ITGA1: variants seen among roughly 807,000 people sequenced by gnomAD.
ITGA1 encodes the protein integrin alpha-1.
In ITGA1, 85 loss-of-function variants were observed where a neutral mutation model predicts 145.9. The observed-to-expected ratio is 0.58, with a 90% CI of 0.49 to 0.70. The LOEUF is 0.70. ITGA1 is among the 30% of genes least tolerant of loss of function. The pLI is 0.00. For missense variants in ITGA1, 1,351 were observed against 1,418.7 expected (o/e 0.95, Z 0.77); for synonymous variants, 520 against 495.3 (o/e 1.05, Z -0.66).
intron 8 of ITGA1, among the ~76,000 whole-genome samples, chr5:52,891,525 G>A (rs1467048778): frequency 6.5e-5 from 9 of 137,554 alleles, no homozygotes; most frequent in Non-Finnish European, 3.1e-5. Flanking sequence ...TGTCCAGTTT[G>A]AGTTATTGTT....
chr5:52,934,856 A>AT (rs1561253953), intron 23 of ITGA1, among the ~76,000 whole-genome samples: 1 of 151,892 alleles, frequency 6.6e-6, no homozygotes, highest in African/African-American at 2.4e-5. Flanking sequence ...GATTAATTTC[A>AT]TTTTTTAAAA....
chr5:52,909,242 G>C (rs943971086), intron 13 of ITGA1, among the ~76,000 whole-genome samples: 1 of 151,992 alleles, frequency 6.6e-6, no homozygotes, highest in African/African-American at 2.4e-5. Flanking sequence ...GATATTTTCT[G>C]CTTGGAAATG....
intron 1 of ITGA1, among the ~76,000 whole-genome samples, chr5:52,837,447 G>C (rs1326198741): frequency 6.6e-6 from 1 of 152,146 alleles, no homozygotes; most frequent in Non-Finnish European, 1.5e-5. Flanking sequence ...GAAGTGGAAA[G>C]TTAGCATTTC....
rs574757171 is a variant in ITGA1, at chr5:52,795,600, A to C, written c.61+7186A>C. Among the ~76,000 whole-genome samples the C allele has an allele frequency of 7.0e-4, 106 of 152,036 alleles. 1 individual carries two copies. Among genetic ancestry groups the C allele is most frequent in the Middle Eastern group, 3.4e-3 (1 of 294 alleles). Reference sequence around the variant, plus strand: ...CTGAATAACATAAATAACATAAATAAATGTACCCCAAAGATTATCCATCAG... The same window carrying C: ...CTGAATAACATAAATAACATAAATACATGTACCCCAAAGATTATCCATCAG... On this transcript the variant is annotated intron_variant, in intron 1 of 28. Coordinates refer to ENST00000282588, the MANE Select transcript of ITGA1 (RefSeq NM_181501.2).
At chr5:52,815,531 G>A (rs1011687119) in intron 1 of ITGA1, among the ~76,000 whole-genome samples, 5 of 152,180 alleles carry the variant, frequency 3.3e-5, no homozygotes, top group Non-Finnish European at 7.3e-5. Flanking sequence ...GTAGATGTTG[G>A]GAGGAGCCTG....
intron 3 of ITGA1, among the ~76,000 whole-genome samples, chr5:52,864,332 CTGGTGTT>C: frequency 6.6e-6 from 1 of 152,292 alleles, no homozygotes; most frequent in South Asian, 2.1e-4. Context: ...GGTCAAAAAA[CTGGTGTT>C]TGAGTTTTCT....
chr5:52,884,609 G>T (rs1270220108), intron 7 of ITGA1, among the ~76,000 whole-genome samples: 1 of 152,196 alleles, frequency 6.6e-6, no homozygotes, highest in Non-Finnish European at 1.5e-5. Context: ...CTACAGTGAG[G>T]ACAAGTGGGC....
intron 1 of ITGA1, among the ~76,000 whole-genome samples, chr5:52,812,427 T>A (rs1748696422): frequency 6.6e-6 from 1 of 152,162 alleles, no homozygotes; most frequent in South Asian, 2.1e-4. Context: ...AAATCACACA[T>A]GTTACAGAAA....
At chr5:52,860,754 T>C (rs1749585398) in intron 2 of ITGA1, among the ~76,000 whole-genome samples, 1 of 152,176 alleles carries the variant, frequency 6.6e-6, no homozygotes, top group South Asian at 2.1e-4. Flanking sequence ...CCTGAAGATA[T>C]CATGGGAGAC....
At chr5:52,855,971 C>G (rs773762546) in intron 2 of ITGA1, among the ~76,000 whole-genome samples, 3 of 152,212 alleles carry the variant, frequency 2.0e-5, no homozygotes, top group Non-Finnish European at 4.4e-5. Flanking sequence ...CTACCACTTT[C>G]TAAGTTCTCA....
chr5:52,945,620 C>T (rs1481099757), intron 27 of ITGA1, among the ~76,000 whole-genome samples: 1 of 151,912 alleles, frequency 6.6e-6, no homozygotes, highest in African/African-American at 2.4e-5. Flanking sequence ...GAGTAAGACC[C>T]CATCTCTAAA....
chr5:52,789,467 A>T (rs1748196961), intron 1 of ITGA1, among the ~76,000 whole-genome samples: 1 of 152,200 alleles, frequency 6.6e-6, no homozygotes, highest in Non-Finnish European at 1.5e-5. Context: ...ATGGCCAAGC[A>T]TTGTTAAGTT....
At chr5:52,926,248 G>C (rs1452610019) in intron 19 of ITGA1, among the ~76,000 whole-genome samples, 1 of 152,098 alleles carries the variant, frequency 6.6e-6, no homozygotes, top group African/African-American at 2.4e-5. Flanking sequence ...TTAGAGACAT[G>C]ATGACTAAGA....
At chr5:52,831,820 T>C (rs535356272) in intron 1 of ITGA1, among the ~76,000 whole-genome samples, 1 of 152,266 alleles carries the variant, frequency 6.6e-6, no homozygotes, top group South Asian at 2.1e-4. Flanking sequence ...AATATAGTCA[T>C]GTCTATACAT....
At chr5:52,805,186 T>A (rs1019224510) in intron 1 of ITGA1, among the ~76,000 whole-genome samples, 35 of 151,960 alleles carry the variant, frequency 2.3e-4, no homozygotes, top group Non-Finnish European at 2.8e-4. Context: ...AGTGGGAAGA[T>A]GGGGAGGGGA....
chr5:52,822,546 T>C (rs555749190), intron 1 of ITGA1, among the ~76,000 whole-genome samples: 6 of 152,304 alleles, frequency 3.9e-5, no homozygotes, highest in Non-Finnish European at 5.9e-5. Flanking sequence ...CTGCTCTGCA[T>C]AGGGGATATG....
chr5:52,933,939 C>G lies in ITGA1; in HGVS notation c.2907C>G (p.Val969=), dbSNP rs113833498. The G allele has an allele frequency of 2.0e-5, 31 of 1,531,738 alleles. 1 individual carries two copies. In the African/African-American group the frequency reaches 2.8e-4, roughly 14 times the overall value. 94.9% of individuals were successfully genotyped at this position (1,531,738 alleles called of 1,614,324 possible). A position where few individuals can be genotyped will look rare whatever the true frequency, so the allele number is the denominator to read the frequency against. ...YHISIAANET[V]PEVINSTEDI... is the part of the protein sequence containing the mutation. ...TTTCAATTGCTGCCAATGAGACAGT[C>G]CCTGAAGTTATTAATTCTACTGAGG... Residue 969 remains valine (V), a synonymous_variant, in exon 23 of 29, where the codon GTC becomes GTG. Coordinates refer to ENST00000282588, the MANE Select transcript of ITGA1 (RefSeq NM_181501.2).
intron 11 of ITGA1, among the ~76,000 whole-genome samples, chr5:52,898,873 A>G (rs1750272135): frequency 6.6e-6 from 1 of 152,154 alleles, no homozygotes; most frequent in Non-Finnish European, 1.5e-5. Flanking sequence ...TCCATTCACA[A>G]TCAGACAAAT....
chr5:52,834,390 G>A (rs1022441859), intron 1 of ITGA1, among the ~76,000 whole-genome samples: 4 of 151,926 alleles, frequency 2.6e-5, no homozygotes, highest in East Asian at 1.9e-4. Context: ...TCTTCTTGCC[G>A]TATCCTCACA....
Sources: gnomAD v4.1 joint callset for allele counts (sites outside exome capture counted in the v4.1 genomes callset) on GRCh38, gnomAD v4.1.1 for gene constraint, MANE v1.5 for transcripts, NCBI Gene and HGNC (gene_info 2026-07-23, HGNC 2026-07-21) for gene names.